Variants in LAMB4 observed in about 807,000 individuals in gnomAD.
LAMB4 encodes the protein laminin subunit beta 4.
LAMB4 carries 196 observed loss-of-function variants against 199.2 expected under a neutral mutation model. The ratio of observed to expected loss-of-function variants is 0.98; its 90% CI spans 0.88 to 1.11. The LOEUF (loss-of-function observed/expected upper bound fraction) is 1.11, where lower values mean the gene tolerates loss of function less well. Ranked by LOEUF, LAMB4 falls within the 50% of genes least tolerant of loss-of-function variation. The probability of loss-of-function intolerance (pLI) is 0.00; values close to 1 mark genes in which losing one functional copy is unlikely to be tolerated. For synonymous variants in LAMB4, 744 were observed against 770.6 expected (o/e 0.97, Z 0.57); for missense variants, 2,080 against 2,171.2 (o/e 0.96, Z 0.83).
intron 2 of LAMB4, among the ~76,000 whole-genome samples, chr7:108,119,060 T>C (rs1268261335): frequency 6.6e-6 from 1 of 152,174 alleles, no homozygotes; most frequent in African/African-American, 2.4e-5. Context: ...CATTAGCCAC[T>C]GGGGAAATGC....
chr7:108,015,280 A>G, the LAMB4 span, among the ~76,000 whole-genome samples: 1 of 152,204 alleles, frequency 6.6e-6, no homozygotes, highest in Non-Finnish European at 1.5e-5. Flanking sequence ...ATCTTTAGAT[A>G]TGGAATGTTT....
chr7:108,129,505 G>T (rs1385982897), intron 1 of LAMB4, among the ~76,000 whole-genome samples: 1 of 151,192 alleles, frequency 6.6e-6, no homozygotes, highest in Non-Finnish European at 1.5e-5. Flanking sequence ...TTTCATCATA[G>T]TGAGGAATGC....
intron 31 of LAMB4, among the ~76,000 whole-genome samples, 192 bp from the exon 32 acceptor site, chr7:108,031,171 TA>T (rs2035016796): frequency 6.6e-6 from 1 of 150,708 alleles, no homozygotes; most frequent in South Asian, 2.1e-4. Context: ...CTGAAAAATA[TA>T]ACGTTAGCCT....
intron 23 of LAMB4, among the ~76,000 whole-genome samples, chr7:108,062,087 AC>A (rs1356929902): frequency 3.3e-5 from 5 of 152,372 alleles, no homozygotes; most frequent in Non-Finnish European, 7.3e-5. Flanking sequence ...AAGCCAAAAG[AC>A]AAAAACAAAA....
At chr7:108,082,357 G>A (rs187846981) in intron 14 of LAMB4, among the ~76,000 whole-genome samples, 1,536 of 148,266 alleles carry the variant, frequency 0.01, 7 homozygotes, top group Non-Finnish European at 0.018. Flanking sequence ...AAAAAGAGTC[G>A]CAGAACTTCA....
chr7:108,071,487 A>G (rs1056794455), intron 17 of LAMB4, among the ~76,000 whole-genome samples: 2 of 152,206 alleles, frequency 1.3e-5, no homozygotes, highest in African/African-American at 2.4e-5. Flanking sequence ...TCTAACGCCT[A>G]TTAGTTGCCC....
In LAMB4 at chr7:108,056,006, T is replaced by C. The variant is rs1433441215; in HGVS notation, c.3381A>G (p.Pro1127=). The C allele has an allele frequency of 6.2e-7, 1 of 1,601,738 alleles. No homozygotes were observed. The highest frequency in any genetic ancestry group is 8.5e-7 in the Non-Finnish European group (1 of 1,173,056). ...GGGTACCTGCCCTGTTACAATCACATGCTAAAAAGGAAAACAGAAGGAGCA... is the reference window on the plus strand; with the variant it reads ...GGGTACCTGCCCTGTTACAATCACACGCTAAAAAGGAAAACAGAAGGAGCA... ...YYGDPPGRCI[P]CDCNRAGTQK... The change falls in exon 25 of 34, where the codon CCA becomes CCG. Residue 1127 remains proline (P), a splice_region_variant and synonymous_variant. Transcript: ENST00000388781.
chr7:108,107,660 A>T lies in LAMB4; in HGVS notation c.562T>A (p.Ser188Thr), dbSNP rs750804344. The change falls in exon 6 of 34, where the codon TCG becomes ACG. Residue 188 changes from serine to threonine, a missense_variant. Coordinates refer to ENST00000388781, the MANE Select transcript of LAMB4 (RefSeq NM_007356.3). ...CCACCTGTTGAGGGTTCAATATCCG[A>T]GTATTTGGAGTCACAAACAATGTCT... The part of the protein sequence containing the change: ...VGDIVCDSKY[S>T]DIEPSTGGEV... The T allele has an allele frequency of 7.4e-6, 12 of 1,610,902 alleles. No homozygotes were observed. Among genetic ancestry groups the T allele is most frequent in the Non-Finnish European group, 9.3e-6 (11 of 1,179,202 alleles).
intron 17 of LAMB4, among the ~76,000 whole-genome samples, chr7:108,071,767 G>T (rs940705834): frequency 6.6e-6 from 1 of 152,072 alleles, no homozygotes; most frequent in African/African-American, 2.4e-5. Flanking sequence ...AGGCCACCTG[G>T]ATGATTACAG....
chr7:108,095,093 T>A, intron 12 of LAMB4, 135 bp downstream of exon 12: 1 of 644,396 alleles, frequency 1.6e-6, no homozygotes, highest in Non-Finnish European at 2.7e-6. Flanking sequence ...ATTTCTGTAG[T>A]GTAAATACTC....
intron 29 of LAMB4, among the ~76,000 whole-genome samples, chr7:108,038,225 TCTCGGCTTACTGCAAC>T (rs1456660748): frequency 5.6e-4 from 85 of 151,994 alleles, no homozygotes; most frequent in African/African-American, 2.0e-3. Context: ...GGTGGCACAA[TCTCGGCTTACTGCAAC>T]CTCTGACTTC....
chr7:108,080,731 T>C (rs189830310), intron 14 of LAMB4, among the ~76,000 whole-genome samples: 13 of 151,992 alleles, frequency 8.6e-5, no homozygotes, highest in Admixed American at 8.5e-4. Flanking sequence ...GAGGCAGAAA[T>C]GTAAATAAGA....
chr7:108,051,690 T>G (rs2035832271), intron 26 of LAMB4, among the ~76,000 whole-genome samples: 1 of 152,216 alleles, frequency 6.6e-6, no homozygotes, highest in South Asian at 2.1e-4. Context: ...GGGTTTTTTT[T>G]GCCTCACATT....
At chr7:108,031,230 G>T (rs2035019890) in intron 31 of LAMB4, among the ~76,000 whole-genome samples, 1 of 151,398 alleles carries the variant, frequency 6.6e-6, no homozygotes, top group Admixed American at 6.6e-5. Context: ...GGCTGAGGCA[G>T]GAGGATTGCT....
intron 12 of LAMB4, among the ~76,000 whole-genome samples, chr7:108,093,366 T>C (rs1317160614): frequency 6.6e-6 from 1 of 152,182 alleles, no homozygotes; most frequent in Non-Finnish European, 1.5e-5. Context: ...GGCTCGGCCG[T>C]GTAACTGCTT....
At chr7:108,128,173 C>A (rs2038860208) in intron 1 of LAMB4, among the ~76,000 whole-genome samples, 3 of 152,086 alleles carry the variant, frequency 2.0e-5, no homozygotes, top group African/African-American at 7.2e-5. Flanking sequence ...AACTGCATGA[C>A]TTTTACAAGC....
chr7:108,073,692 A>C (rs1443978826), intron 17 of LAMB4, among the ~76,000 whole-genome samples: 2 of 152,236 alleles, frequency 1.3e-5, no homozygotes, highest in Non-Finnish European at 2.9e-5. Context: ...TTATCTTCCC[A>C]GAGCAACAAA....
At chr7:108,025,463 T>C (rs1440402122) in intron 33 of LAMB4, among the ~76,000 whole-genome samples, 2 of 146,706 alleles carry the variant, frequency 1.4e-5, no homozygotes, top group Non-Finnish European at 3.0e-5. Flanking sequence ...AGTTTTGCTC[T>C]TGTTGCCCAG....
At chr7:108,090,481 T>C (rs78356506) in intron 14 of LAMB4, among the ~76,000 whole-genome samples, 5,755 of 152,270 alleles carry the variant, frequency 0.038, 140 homozygotes, top group Non-Finnish European at 0.054. Context: ...TAAGGGTTCA[T>C]ATCATGCATG....
Sources: gnomAD v4.1 joint callset for allele counts (sites outside exome capture counted in the v4.1 genomes callset) on GRCh38, gnomAD v4.1.1 for gene constraint, MANE v1.5 for transcripts, NCBI Gene and HGNC (gene_info 2026-07-23, HGNC 2026-07-21) for gene names.